VPS37B: variants seen among roughly 807,000 people sequenced by gnomAD.
VPS37B encodes vacuolar protein sorting-associated protein 37B.
A neutral mutation model predicts 21.2 loss-of-function variants in VPS37B; 11 were observed. The observed-to-expected ratio is 0.52, with a 90% CI of 0.33 to 0.86. The LOEUF (loss-of-function observed/expected upper bound fraction) is 0.86. Among genes scored for constraint, VPS37B ranks in the 40% least tolerant of loss-of-function variants. The pLI is 0.03. For missense variants in VPS37B, 389 were observed against 374.8 expected (o/e 1.04, Z -0.31); for synonymous variants, 175 against 159.6 (o/e 1.10, Z -0.73).
rs2033958664 is a variant in VPS37B at position 122,868,692 on chromosome 12, G to A, written c.284-130C>T. 2 of 793,016 alleles carry A rather than the reference G, an allele frequency of 2.5e-6. No individual in the cohort carries two copies. Among genetic ancestry groups the A allele is most frequent in the Non-Finnish European group, 4.1e-6 (2 of 485,654 alleles). 49.1% of individuals were successfully genotyped at this position (793,016 alleles called of 1,614,324 possible). A position where few individuals can be genotyped will look rare whatever the true frequency, so the allele number is the denominator to read the frequency against. ...TGTGAAAGGCTTGAAAACCTACAGG[G>A]GAACAAGTGCACCAAGCCAGTGCCC... On this transcript the variant is annotated intron_variant, in intron 2 of 3. Coordinates refer to ENST00000267202, the MANE Select transcript of VPS37B (RefSeq NM_024667.3). This position sits in a 1 kb window ranked among gnomAD's most constrained non-coding sequence, Gnocchi z 5.5.
rs942968047 is a variant in VPS37B, at chr12:122,871,906, G to A, written c.112-845C>T. 1.6e-5 allele frequency: 16 copies of A among 985,092 alleles called. No homozygotes were observed. In the South Asian group the frequency reaches 3.8e-4, roughly 23 times the overall value. The allele number at this position is 985,092 out of a possible 1,614,324, so 61.0% of individuals were successfully genotyped here. On this transcript the variant is annotated intron_variant, in intron 1 of 3. Transcript: ENST00000267202. ...GTTCCCTTTTCACTCACTGGTGATC[G>A]GCTTCCTCTACCACAGCCCAGCCGC... is the stretch of plus-strand genomic sequence containing the variant.
In VPS37B at chr12:122,867,498, A is replaced by T. The variant is rs1338864327; in HGVS notation, c.476T>A (p.Leu159His). 2 of 1,613,812 alleles carry T rather than the reference A, an allele frequency of 1.2e-6. No homozygotes were observed. The highest frequency in any genetic ancestry group is 2.7e-5 in the African/African-American group (2 of 74,818). ...AHMRRVKIEK[L>H]QEMVLKGQRL... The stretch of plus-strand genomic sequence containing the variant: ...CTGCCCCTTTAGGACCATCTCCTGG[A>T]GCTTCTCGATTTTCACCCGTCGCAT... Residue 159 changes from leucine (L) to histidine (H), a missense_variant, in exon 4 of 4, where the codon CTC (leucine) becomes CAC (histidine). Transcript: ENST00000267202. This position sits in a 1 kb window ranked among gnomAD's most constrained non-coding sequence, Gnocchi z 5.5.
chr12:122,882,017 T>G (rs748382831), intron 1 of VPS37B: 5 of 152,228 alleles, frequency 3.3e-5, no homozygotes, highest in Non-Finnish European at 5.9e-5. Context: ...AGGTAAGAAC[T>G]TTTTAACCCT....
chr12:122,866,080 G>A lies in VPS37B; in HGVS notation c.*1036C>T, dbSNP rs1323654760. ...AGGCGGCCGGACGTCTTGACCACCT[G>A]TAACAGGGCAATGAACTTGGACAAG... On this transcript the variant is annotated 3_prime_UTR_variant, in exon 4 of 4. Coordinates refer to ENST00000267202, the MANE Select transcript of VPS37B (RefSeq NM_024667.3). 6.6e-6 allele frequency: 1 copy of A among 152,670 alleles called. No homozygotes were observed. Among genetic ancestry groups the A allele is most frequent in the Non-Finnish European group, 1.5e-5 (1 of 68,050 alleles). The allele number at this position is 152,670 out of a possible 1,614,324, so 9.5% of individuals were successfully genotyped here.
At chr12:122,884,561 G>A (rs188372800) in intron 1 of VPS37B, 13 of 152,256 alleles carry the variant, frequency 8.5e-5, no homozygotes, top group African/African-American at 3.1e-4. Flanking sequence ...TTGATCCTGT[G>A]TAAGTATGAG....
chr12:122,867,357 C>G lies in VPS37B; in HGVS notation c.617G>C (p.Arg206Pro), dbSNP rs201917286. The G allele has an allele frequency of 7.5e-6, 12 of 1,592,012 alleles. No homozygotes were observed. Among genetic ancestry groups the G allele is most frequent in the South Asian group, 1.1e-5 (1 of 90,300 alleles). Residue 206 changes from arginine to proline, a missense_variant, in exon 4 of 4, where the codon CGC becomes CCC. By Grantham distance (103) the Arg-to-Pro change is moderately radical (BLOSUM62 -2). Coordinates refer to ENST00000267202, the MANE Select transcript of VPS37B (RefSeq NM_024667.3). This position sits in a 1 kb window ranked among gnomAD's most constrained non-coding sequence, Gnocchi z 5.5. ...ASGPPAVAPR[R>P]IPPPPPPVPA... ...CACCGGGGGTGGTGGGGGGGGGATG[C>G]GCCGAGGTGCAACGGCAGGAGGCCC... is the stretch of plus-strand genomic sequence containing the variant.
intron 1 of VPS37B, chr12:122,887,899 C>T (rs2034352338): frequency 6.6e-6 from 1 of 152,240 alleles, no homozygotes; most frequent in African/African-American, 2.4e-5. Context: ...GACAGGGTCT[C>T]ACTATGTCGC....
At chr12:122,881,875 T>C (rs2034252098) in intron 1 of VPS37B, 1 of 152,260 alleles carries the variant, frequency 6.6e-6, no homozygotes. Context: ...TGAAACTATG[T>C]ATAACCGTCT....
rs1208840725 is a variant in VPS37B at position 122,896,086 on chromosome 12, C to T, written c.-24G>A. 6 of 1,553,376 alleles carry T rather than the reference C, an allele frequency of 3.9e-6. No individual in the cohort carries two copies. Among genetic ancestry groups the T allele is most frequent in the East Asian group, 2.5e-5 (1 of 39,818 alleles). Reference sequence around the variant, plus strand: ...ATCCCCACGTCTCGGCCGTCGTCGCCACCGCCGCTGCGGCCACCAGGCTCC... The same window carrying T: ...ATCCCCACGTCTCGGCCGTCGTCGCTACCGCCGCTGCGGCCACCAGGCTCC... On this transcript the variant is annotated 5_prime_UTR_variant, in exon 1 of 4. Transcript: ENST00000267202.
rs2033879681 is a variant in VPS37B at position 122,865,499 on chromosome 12, C to A, written c.*1617G>T. On this transcript the variant is annotated 3_prime_UTR_variant, in exon 4 of 4. Coordinates refer to ENST00000267202, the MANE Select transcript of VPS37B (RefSeq NM_024667.3). ...CAGGCTGTGGCATCCCCGACAGCGG[C>A]CGGTGGCGGAGGTATGGGGGCGGGT... is the stretch of plus-strand genomic sequence containing the variant. 1 of 152,288 alleles carries A rather than the reference C, an allele frequency of 6.6e-6. No individual in the cohort carries two copies. The highest frequency in any genetic ancestry group is 2.1e-4 in the South Asian group (1 of 4,840). The allele number at this position is 152,288 out of a possible 1,614,324, so 9.4% of individuals were successfully genotyped here.
chr12:122,893,393 G>C (rs1051757590), intron 1 of VPS37B, among the ~76,000 whole-genome samples: 2 of 152,276 alleles, frequency 1.3e-5, no homozygotes, highest in Admixed American at 1.3e-4. Context: ...CTGGGAAGCG[G>C]CCAAGTCCAG....
chr12:122,866,127 G>T lies in VPS37B; in HGVS notation c.*989C>A, dbSNP rs759299142. 1 of 152,684 alleles carries T rather than the reference G, an allele frequency of 6.5e-6. No homozygotes were observed. The highest frequency in any genetic ancestry group is 2.1e-4 in the South Asian group (1 of 4,836). 9.5% of individuals were successfully genotyped at this position (152,684 alleles called of 1,614,324 possible). ...CAAGCCCTTCAGAGAAAGCAGAGCC[G>T]GGGCCTTGCCCAGCCCCTAGCAGGT... On this transcript the variant is annotated 3_prime_UTR_variant, in exon 4 of 4. Coordinates refer to ENST00000267202, the MANE Select transcript of VPS37B (RefSeq NM_024667.3).
chr12:122,875,090 C>T (rs1011253021), intron 1 of VPS37B: 4 of 150,142 alleles, frequency 2.7e-5, no homozygotes, highest in African/African-American at 9.8e-5. Flanking sequence ...GACAGAGTCT[C>T]GCTCTGTCAC....
intron 2 of VPS37B, chr12:122,870,155 G>C (rs1385139730): frequency 6.6e-6 from 1 of 151,782 alleles, no homozygotes; most frequent in Non-Finnish European, 1.5e-5. Context: ...TTTAGAGAAG[G>C]TGGGGTCTTG....
At position 122,868,412 on chromosome 12, in the gene VPS37B, C is replaced by A; in HGVS notation, c.366+68G>T. On this transcript the variant is annotated intron_variant, in intron 3 of 3. Transcript: ENST00000267202. This position sits in a 1 kb window ranked among gnomAD's most constrained non-coding sequence, Gnocchi z 5.5. ...CGTGGCGGTGTGGCACTCACGGTCCCTGGAGGCAGCGGGCCCACGGACTGC... is the reference window on the plus strand; with the variant it reads ...CGTGGCGGTGTGGCACTCACGGTCCATGGAGGCAGCGGGCCCACGGACTGC... The A allele has an allele frequency of 6.8e-7, 1 of 1,462,506 alleles. No individual in the cohort carries two copies. Among genetic ancestry groups the A allele is most frequent in the South Asian group, 1.2e-5 (1 of 84,314 alleles). 90.6% of individuals were successfully genotyped at this position (1,462,506 alleles called of 1,614,324 possible).
chr12:122,895,823 C>A, intron 1 of VPS37B, 129 bp downstream of exon 1: 1 of 780,938 alleles, frequency 1.3e-6, no homozygotes, highest in Non-Finnish European at 2.1e-6. Context: ...CCCCAAGCGC[C>A]CCCATTTCTA....
chr12:122,874,670 C>G (rs890540589), intron 1 of VPS37B: 4 of 152,196 alleles, frequency 2.6e-5, no homozygotes, highest in Admixed American at 2.6e-4. Flanking sequence ...CAACTGAGGC[C>G]GAGTGCGGTG....
intron 1 of VPS37B, among the ~76,000 whole-genome samples, chr12:122,894,558 G>T (rs1190546900): frequency 2.0e-5 from 3 of 152,224 alleles, no homozygotes; most frequent in Non-Finnish European, 4.4e-5. Flanking sequence ...TGGGTGAGAG[G>T]CTCAGCACTG....
chr12:122,875,058 G>A (rs894384842), intron 1 of VPS37B: 2 of 148,428 alleles, frequency 1.3e-5, no homozygotes, highest in Middle Eastern at 3.4e-3. Flanking sequence ...ATATAAATAC[G>A]ATAACTTTTT....
Sources: gnomAD v4.1 joint callset for allele counts (sites outside exome capture counted in the v4.1 genomes callset) on GRCh38, gnomAD v4.1.1 for gene constraint, Gnocchi (gnomAD v3.1) non-coding constraint, MANE v1.5 for transcripts, NCBI Gene and HGNC (gene_info 2026-07-23, HGNC 2026-07-21) for gene names.